Variants in CNTN5 observed in about 807,000 individuals in gnomAD.
The protein encoded by CNTN5 is contactin-5.
Under a neutral mutation model 129.1 loss-of-function variants are expected in CNTN5, and 77 were observed. The observed-to-expected ratio is 0.60, with a 90% CI of 0.50 to 0.72. The LOEUF (loss-of-function observed/expected upper bound fraction) is 0.72, where lower values mean the gene tolerates loss of function less well. CNTN5 is among the 30% of genes least tolerant of loss of function. CNTN5 has a pLI of 0.00. For synonymous variants in CNTN5, 509 were observed against 465.6 expected (o/e 1.09, Z -1.20); for missense variants, 1,478 against 1,328.8 (o/e 1.11, Z -1.75).
At chr11:100,082,323 C>T (rs531808106) in intron 13 of CNTN5, among the ~76,000 whole-genome samples, 1 of 152,102 alleles carries the variant, frequency 6.6e-6, no homozygotes. Context: ...ACAATGTCAC[C>T]CAAGCTGGAG....
chr11:100,292,102 C>G (rs1950996686), intron 18 of CNTN5, among the ~76,000 whole-genome samples: 1 of 151,996 alleles, frequency 6.6e-6, no homozygotes, highest in Non-Finnish European at 1.5e-5. Context: ...CCAGCACAGA[C>G]CTGACCCAAC....
chr11:99,477,382 T>C (rs1460125035), intron 2 of CNTN5, among the ~76,000 whole-genome samples: 4 of 152,036 alleles, frequency 2.6e-5, no homozygotes, highest in African/African-American at 7.2e-5. Context: ...TTCTTCATTG[T>C]ATAACTAAAC....
intron 3 of CNTN5, among the ~76,000 whole-genome samples, chr11:99,642,237 G>A (rs1951797172): frequency 6.6e-6 from 1 of 152,170 alleles, no homozygotes; most frequent in Non-Finnish European, 1.5e-5. Flanking sequence ...GAGAGAAATT[G>A]AGAGTCCTGA....
intron 8 of CNTN5, among the ~76,000 whole-genome samples, chr11:99,977,555 T>C (rs1451501592): frequency 1.3e-5 from 2 of 152,158 alleles, no homozygotes; most frequent in African/African-American, 4.8e-5. Context: ...CATGGCAGAA[T>C]GCAGACAGAC....
intron 7 of CNTN5, among the ~76,000 whole-genome samples, chr11:99,934,145 G>C (rs1327291119): frequency 2.0e-5 from 3 of 152,216 alleles, no homozygotes; most frequent in Non-Finnish European, 2.9e-5. Context: ...TATAGCACAT[G>C]TATTTTCCTC....
At chr11:99,265,139 A>G (rs1862827967) in intron 1 of CNTN5, among the ~76,000 whole-genome samples, 1 of 152,048 alleles carries the variant, frequency 6.6e-6, no homozygotes, top group Admixed American at 6.6e-5. Context: ...ATTAAAAAAA[A>G]ATAGTAACTT....
At chr11:99,314,601 A>T (rs920603421) in intron 1 of CNTN5, among the ~76,000 whole-genome samples, 5 of 152,062 alleles carry the variant, frequency 3.3e-5, no homozygotes, top group African/African-American at 1.2e-4. Flanking sequence ...GAAAGGAAAA[A>T]TGCAAGCAGT....
At chr11:99,475,337 C>A (rs576162967) in intron 2 of CNTN5, among the ~76,000 whole-genome samples, 1 of 152,304 alleles carries the variant, frequency 6.6e-6, no homozygotes, top group African/African-American at 2.4e-5. Context: ...TCTTGAATAT[C>A]CCAGCCTCTA....
At chr11:99,060,016 G>T (rs1379388861) in intron 1 of CNTN5, among the ~76,000 whole-genome samples, 1 of 151,956 alleles carries the variant, frequency 6.6e-6, no homozygotes, top group Non-Finnish European at 1.5e-5. Flanking sequence ...TTGTTCATTT[G>T]CTGATTTGAA....
intron 2 of CNTN5, among the ~76,000 whole-genome samples, chr11:99,517,672 C>G (rs1947109766): frequency 1.3e-5 from 2 of 152,052 alleles, no homozygotes; most frequent in South Asian, 4.1e-4. Flanking sequence ...GCCAGATTGT[C>G]TTCTGTAAGC....
At chr11:99,879,658 G>A (rs1948722249) in intron 6 of CNTN5, among the ~76,000 whole-genome samples, 1 of 152,096 alleles carries the variant, frequency 6.6e-6, no homozygotes, top group Non-Finnish European at 1.5e-5. Context: ...AACACTGCTA[G>A]CTACCGTTTA....
intron 6 of CNTN5, among the ~76,000 whole-genome samples, chr11:99,886,961 AAGAT>A (rs1398572546): frequency 5.9e-5 from 9 of 152,270 alleles, no homozygotes; most frequent in Admixed American, 5.9e-4. Context: ...AGGAATATAA[AAGAT>A]AGGAAGAAAC....
chr11:99,846,287 G>A (rs190883189), intron 6 of CNTN5, among the ~76,000 whole-genome samples: 2,150 of 149,440 alleles, frequency 0.014, 28 homozygotes, highest in Non-Finnish European at 0.019. Flanking sequence ...GAACCTGGGA[G>A]GTGGAGGTTG....
At chr11:100,130,673 G>A (rs538493663) in intron 13 of CNTN5, among the ~76,000 whole-genome samples, 31 of 152,080 alleles carry the variant, frequency 2.0e-4, no homozygotes, top group Non-Finnish European at 1.2e-4. Flanking sequence ...TAGTTTTTAC[G>A]TTGCTCAGGA....
intron 2 of CNTN5, among the ~76,000 whole-genome samples, chr11:99,382,845 C>CATTTTTTTTTTTT (rs1417732458): frequency 7.8e-5 from 6 of 77,032 alleles, no homozygotes; most frequent in Admixed American, 4.4e-4. Context: ...CTCTAAATAA[C>CATTTTTTTTTTTT]TTTTTTTTTT....
At chr11:100,215,444 G>A (rs533959276) in intron 15 of CNTN5, among the ~76,000 whole-genome samples, 40 of 152,208 alleles carry the variant, frequency 2.6e-4, no homozygotes, top group African/African-American at 6.3e-4. Flanking sequence ...ATCCTAGGCC[G>A]AACAGATTCT....
chr11:99,739,076 C>T (rs1391845112), intron 3 of CNTN5, among the ~76,000 whole-genome samples: 4 of 152,058 alleles, frequency 2.6e-5, no homozygotes, highest in African/African-American at 9.7e-5. Context: ...TTATTTTGAC[C>T]ACCTTGTTCT....
intron 2 of CNTN5, among the ~76,000 whole-genome samples, chr11:99,461,740 A>C (rs1202474745): frequency 6.6e-6 from 1 of 152,112 alleles, no homozygotes; most frequent in African/African-American, 2.4e-5. Context: ...CACAAAGTAT[A>C]AACTCTTTTC....
At chr11:99,954,020 G>A (rs568776362) in intron 7 of CNTN5, among the ~76,000 whole-genome samples, 2 of 152,140 alleles carry the variant, frequency 1.3e-5, no homozygotes, top group African/African-American at 4.8e-5. Context: ...TTTTTCATAA[G>A]GTGTAAGCAA....
Sources: gnomAD v4.1 joint callset for allele counts (sites outside exome capture counted in the v4.1 genomes callset) on GRCh38, gnomAD v4.1.1 for gene constraint, MANE v1.5 for transcripts, NCBI Gene and HGNC (gene_info 2026-07-23, HGNC 2026-07-21) for gene names.